Variants in ABCB1 observed in about 807,000 individuals in gnomAD.
ABCB1 encodes ATP binding cassette subfamily B member 1, also known as ATP-dependent translocase ABCB1.
In ABCB1, 69 loss-of-function variants were observed where a neutral mutation model predicts 142.0. The observed-to-expected ratio is 0.49, with a 90% CI of 0.40 to 0.59. The LOEUF (loss-of-function observed/expected upper bound fraction) is 0.59, where lower values mean the gene tolerates loss of function less well. Ranked by LOEUF, ABCB1 falls within the 20% of genes least tolerant of loss-of-function variation. The probability of loss-of-function intolerance (pLI) is 0.00; values close to 1 mark genes in which losing one functional copy is unlikely to be tolerated. For synonymous variants in ABCB1, 532 were observed against 539.2 expected, an observed-to-expected ratio of 0.99 and a Z score of 0.18; for missense variants, 1,326 against 1,554.7, an observed-to-expected ratio of 0.85 and a Z score of 2.47.
intron 14 of ABCB1, among the ~76,000 whole-genome samples, chr7:87,547,863 A>C (rs948826431): frequency 1.4e-5 from 2 of 148,038 alleles, no homozygotes; most frequent in African/African-American, 5.0e-5. Flanking sequence ...AAAAAAAAAA[A>C]AAAAAAAAAC....
At chr7:87,541,264 C>T in intron 18 of ABCB1, 93 bp downstream of exon 18, 1 of 881,642 alleles carries the variant, frequency 1.1e-6, no homozygotes, top group Non-Finnish European at 1.8e-6. Context: ...AGAAGTTCTA[C>T]TAAAAGGCCA....
chr7:87,668,985 TCCGAGC>T (rs1227451409), intron 1 of ABCB1, among the ~76,000 whole-genome samples: 1 of 152,144 alleles, frequency 6.6e-6, no homozygotes, highest in Non-Finnish European at 1.5e-5. Context: ...TAGAGGTGTA[TCCGAGC>T]CTTTTGGTTT....
In ABCB1 at chr7:87,515,245, A is replaced by C; in HGVS notation, c.3268T>G (p.Leu1090Val). ...AGTGTGCTCACCACTTTCCCTGCCA[A>C]GGGGTCGTAGAACCGCTCCAGGAGC... ...VQLLERFYDP[L>V]AGKVLLDGKE... Residue 1090 changes from leucine to valine, a missense_variant, in exon 25 of 28, where the codon TTG becomes GTG. By Grantham distance (32) the Leu-to-Val change is conservative. Coordinates refer to ENST00000622132, the MANE Select transcript of ABCB1 (RefSeq NM_001348946.2). The C allele has an allele frequency of 6.2e-7, 1 of 1,613,826 alleles. No individual in the cohort carries two copies. The highest frequency in any genetic ancestry group is 8.5e-7 in the Non-Finnish European group (1 of 1,180,006).
At chr7:87,707,490 A>G (rs1417444778) in intron 1 of ABCB1, among the ~76,000 whole-genome samples, 2 of 152,068 alleles carry the variant, frequency 1.3e-5, no homozygotes, top group Non-Finnish European at 2.9e-5. Flanking sequence ...TCTGGGCAAC[A>G]TGGCGAAACC....
chr7:87,621,492 ACT>A (rs1273782888), intron 1 of ABCB1, among the ~76,000 whole-genome samples: 1 of 152,122 alleles, frequency 6.6e-6, no homozygotes, highest in Admixed American at 6.5e-5. Context: ...CACAAAGATA[ACT>A]CTATAAATAT....
At chr7:87,570,317 G>T in intron 4 of ABCB1, 94 bp from the exon 5 acceptor site, 2 of 1,231,008 alleles carry the variant, frequency 1.6e-6, no homozygotes, top group Non-Finnish European at 2.4e-6. Context: ...TTCATTTAAT[G>T]ATTTACATAA....
intron 1 of ABCB1, among the ~76,000 whole-genome samples, chr7:87,702,117 TG>T (rs1829113201): frequency 9.4e-6 from 1 of 105,912 alleles, no homozygotes; most frequent in Non-Finnish European, 1.7e-5. Context: ...CACTCCAGCC[TG>T]GGCAAAAGAG....
In ABCB1 at chr7:87,566,935, A is replaced by C. The variant is rs368578071; in HGVS notation, c.380T>G (p.Val127Gly). 1.9e-6 allele frequency: 3 copies of C among 1,614,068 alleles called. No homozygotes were observed. The highest frequency in any genetic ancestry group is 2.5e-6 in the Non-Finnish European group (3 of 1,180,022). ...AAATGAAACCTGAATGTAAGCAGCA[A>C]CCAGCACCCCAGCACCAATTCCACT... ...YYSGIGAGVL[V>G]AAYIQVSFWC... The change falls in exon 6 of 28, where the codon GTT becomes GGT. Residue 127 changes from valine (V) to glycine (G), a missense_variant. Val to Gly is a moderately radical substitution (Grantham distance 109, BLOSUM62 -3). Coordinates refer to ENST00000622132, the MANE Select transcript of ABCB1 (RefSeq NM_001348946.2).
chr7:87,680,276 T>C (rs1242526692), intron 1 of ABCB1, among the ~76,000 whole-genome samples: 2 of 150,764 alleles, frequency 1.3e-5, no homozygotes, highest in African/African-American at 2.5e-5. Flanking sequence ...CAGTCTATCA[T>C]TGATAGACAT....
At chr7:87,661,646 A>G (rs1035516262) in intron 1 of ABCB1, among the ~76,000 whole-genome samples, 1 of 151,592 alleles carries the variant, frequency 6.6e-6, no homozygotes, top group African/African-American at 2.4e-5. Context: ...TATTTACCAC[A>G]TTTTCTTTAT....
intron 3 of ABCB1, 93 bp from the exon 4 acceptor site, chr7:87,585,773 A>G: frequency 7.2e-7 from 1 of 1,396,248 alleles, no homozygotes; most frequent in Non-Finnish European, 9.8e-7. Flanking sequence ...AAATCCAAAC[A>G]TTTTTCAGAC....
intron 1 of ABCB1, among the ~76,000 whole-genome samples, chr7:87,655,066 C>G (rs1823953482): frequency 6.6e-6 from 1 of 152,020 alleles, no homozygotes; most frequent in South Asian, 2.1e-4. Context: ...GAAAAGGGAA[C>G]CCTTGTAGTA....
At chr7:87,706,649 A>G (rs1829617876) in intron 1 of ABCB1, among the ~76,000 whole-genome samples, 1 of 152,190 alleles carries the variant, frequency 6.6e-6, no homozygotes, top group Admixed American at 6.5e-5. Flanking sequence ...GCTTTAGCCT[A>G]AAGTTGTTTG....
At chr7:87,548,142 A>AGGGAAGGGGAGGGAAGGGG (rs1816876902) in intron 14 of ABCB1, among the ~76,000 whole-genome samples, 1 of 49,778 alleles carries the variant, frequency 2.0e-5, no homozygotes, top group Non-Finnish European at 4.1e-5. Context: ...GAGGGAAGGG[A>AGGGAAGGGGAGGGAAGGGG]AGGGGAGGGA....
intron 3 of ABCB1, among the ~76,000 whole-genome samples, chr7:87,587,097 A>G (rs1029229629): frequency 6.6e-6 from 1 of 152,200 alleles, no homozygotes; most frequent in Non-Finnish European, 1.5e-5. Flanking sequence ...TTCATATTTC[A>G]TTGAAACACT....
intron 1 of ABCB1, among the ~76,000 whole-genome samples, chr7:87,696,001 G>A (rs940030988): frequency 1.3e-5 from 2 of 152,070 alleles, no homozygotes; most frequent in Non-Finnish European, 2.9e-5. Context: ...TTGTCTTTTA[G>A]TCTAGCAAAC....
chr7:87,610,357 C>T (rs912746331), intron 1 of ABCB1, among the ~76,000 whole-genome samples: 3 of 147,680 alleles, frequency 2.0e-5, no homozygotes, highest in African/African-American at 7.5e-5. Context: ...CCCATCTTGG[C>T]CTCCAGAGTA....
chr7:87,534,188 G>A (rs578134792), intron 20 of ABCB1, among the ~76,000 whole-genome samples: 2 of 152,164 alleles, frequency 1.3e-5, no homozygotes, highest in Admixed American at 6.5e-5. Context: ...GAATACATCT[G>A]CTCTGGGTTC....
chr7:87,609,746 A>G (rs1224579175), intron 1 of ABCB1, among the ~76,000 whole-genome samples: 1 of 152,182 alleles, frequency 6.6e-6, no homozygotes, highest in African/African-American at 2.4e-5. Flanking sequence ...GAAGGGCTGT[A>G]GGTCCTAGAG....
Sources: gnomAD v4.1 joint callset for allele counts (sites outside exome capture counted in the v4.1 genomes callset) on GRCh38, gnomAD v4.1.1 for gene constraint, MANE v1.5 for transcripts, NCBI Gene and HGNC (gene_info 2026-07-23, HGNC 2026-07-21) for gene names.